KIAA1549L: variants seen among roughly 807,000 people sequenced by gnomAD.
The protein encoded by KIAA1549L is KIAA1549 like, also known as UPF0606 protein KIAA1549L.
In KIAA1549L, 88 loss-of-function variants were observed where a neutral mutation model predicts 160.7. The observed-to-expected ratio is 0.55, with a 90% CI of 0.46 to 0.65. The LOEUF is 0.65. Among genes scored for constraint, KIAA1549L ranks in the 30% least tolerant of loss-of-function variants. The pLI is 0.00. For missense variants in KIAA1549L, 2,258 were observed against 2,437.5 expected (o/e 0.93, Z 1.55); for synonymous variants, 950 against 976.7 (o/e 0.97, Z 0.51).
chr11:33,557,673 G>A lies in KIAA1549L; in HGVS notation c.3856-2076G>A, dbSNP rs56759712. 8.6e-3 allele frequency among the ~76,000 whole-genome samples: 1,304 copies of A among 152,246 alleles called. 12 individuals are homozygous for A. Among genetic ancestry groups the A allele is most frequent in the African/African-American group, 0.029 (1,214 of 41,538 alleles). On this transcript the variant is annotated intron_variant, in intron 6 of 20. Transcript: ENST00000658780. ...AGGCTGGGGTGGGTGGATCATTTGA[G>A]CCCAGGAATTTGAGACTAGCCTGGG...
At chr11:33,581,081 C>T (rs1855626761) in intron 10 of KIAA1549L, among the ~76,000 whole-genome samples, 2 of 152,104 alleles carry the variant, frequency 1.3e-5, no homozygotes, top group African/African-American at 4.8e-5. Flanking sequence ...GCTGTGAGGT[C>T]AGAGGCACAG....
chr11:33,637,087 G>A (rs1851455712), intron 16 of KIAA1549L, among the ~76,000 whole-genome samples: 1 of 152,134 alleles, frequency 6.6e-6, no homozygotes, highest in South Asian at 2.1e-4. Flanking sequence ...CAAGTGGAAG[G>A]GCCCAGACAT....
intron 1 of KIAA1549L, among the ~76,000 whole-genome samples, chr11:33,486,063 G>A (rs1212535766): frequency 1.3e-5 from 2 of 152,122 alleles, no homozygotes; most frequent in Non-Finnish European, 2.9e-5. Context: ...TGGCCATTGT[G>A]GATAATGTGG....
At chr11:33,561,992 T>C (rs1015526266) in intron 8 of KIAA1549L, among the ~76,000 whole-genome samples, 9 of 152,342 alleles carry the variant, frequency 5.9e-5, no homozygotes, top group African/African-American at 1.9e-4. Context: ...TATCAGAAGT[T>C]ACAATGTTAA....
intron 13 of KIAA1549L, among the ~76,000 whole-genome samples, chr11:33,602,232 G>T (rs1001185226): frequency 5.3e-5 from 8 of 152,090 alleles, no homozygotes; most frequent in African/African-American, 1.7e-4. Context: ...GGTGAGGCAG[G>T]CAAAGAATTA....
At position 33,542,828 on chromosome 11, in the gene KIAA1549L, A is replaced by G. The variant is rs777193085; in HGVS notation, c.1265A>G (p.Gln422Arg). The change falls in exon 2 of 21, where the codon CAG becomes CGG. Residue 422 changes from glutamine to arginine, a missense_variant. Physicochemically the swap from Gln to Arg is conservative, Grantham distance 43. Transcript: ENST00000658780. ...CATGAGGCTGAGCCTCCACTTTTCCAGACTGCAGAATCAGGGGCCATAGAA... is the reference window on the plus strand; with the variant it reads ...CATGAGGCTGAGCCTCCACTTTTCCGGACTGCAGAATCAGGGGCCATAGAA... ...ATHEAEPPLF[Q>R]TAESGAIEMT... 23 of 1,613,762 alleles carry G rather than the reference A, an allele frequency of 1.4e-5. No individual in the cohort carries two copies. In the South Asian group the frequency reaches 2.4e-4, roughly 17 times the overall value.
chr11:33,564,683 C>T (rs1854987720), intron 8 of KIAA1549L, among the ~76,000 whole-genome samples: 1 of 152,254 alleles, frequency 6.6e-6, no homozygotes, highest in African/African-American at 2.4e-5. Context: ...ATATCCCAGA[C>T]CCAGCAATGG....
rs375169539 is a variant in KIAA1549L, at chr11:33,387,056, G to A, written c.238+10167G>A. Among the ~76,000 whole-genome samples the A allele has an allele frequency of 3.3e-4, 50 of 151,884 alleles. No individual in the cohort carries two copies. The East Asian group carries it at 5.3e-3, about 16-fold the overall frequency. On this transcript the variant is annotated intron_variant, in intron 1 of 20. Transcript: ENST00000658780. ...CAGGAGGTGGAGGTTGCAGTGAGTC[G>A]GGATTGTGCCACTGCACTCCAGCCT...
chr11:33,572,744 A>C (rs781404223), intron 9 of KIAA1549L, among the ~76,000 whole-genome samples: 2 of 152,212 alleles, frequency 1.3e-5, no homozygotes, highest in African/African-American at 2.4e-5. Flanking sequence ...TGTAGCTATT[A>C]AGCAAGGCTG....
intron 16 of KIAA1549L, among the ~76,000 whole-genome samples, chr11:33,643,965 T>G (rs1483518438): frequency 6.6e-6 from 1 of 152,182 alleles, no homozygotes; most frequent in African/African-American, 2.4e-5. Flanking sequence ...TAAGAGCTTC[T>G]AAGAGCAGAA....
intron 1 of KIAA1549L, among the ~76,000 whole-genome samples, chr11:33,496,308 C>G (rs1381545006): frequency 2.6e-5 from 4 of 152,112 alleles, no homozygotes; most frequent in Non-Finnish European, 5.9e-5. Flanking sequence ...GGCAAACAAC[C>G]CTTAGAGTCA....
At chr11:33,540,284 C>T (rs1853987099) in intron 1 of KIAA1549L, among the ~76,000 whole-genome samples, 1 of 152,166 alleles carries the variant, frequency 6.6e-6, no homozygotes, top group African/African-American at 2.4e-5. Flanking sequence ...GATTCTGAAT[C>T]CATAAGTTGG....
intron 1 of KIAA1549L, among the ~76,000 whole-genome samples, chr11:33,466,386 A>G (rs1250479906): frequency 6.6e-6 from 1 of 152,276 alleles, no homozygotes; most frequent in African/African-American, 2.4e-5. Context: ...ATTACTGGTC[A>G]TCAGAGAAAT....
intron 12 of KIAA1549L, among the ~76,000 whole-genome samples, chr11:33,596,024 T>C (rs1256946607): frequency 6.6e-6 from 1 of 152,132 alleles, no homozygotes; most frequent in Non-Finnish European, 1.5e-5. Context: ...TACAGCTGTT[T>C]GCAAAGGGCA....
At chr11:33,456,109 CATGAT>C (rs1212213180) in intron 1 of KIAA1549L, among the ~76,000 whole-genome samples, 25 of 152,116 alleles carry the variant, frequency 1.6e-4, no homozygotes, top group African/African-American at 5.1e-4. Flanking sequence ...TTATAGGTCT[CATGAT>C]ATATGTGGAT....
chr11:33,392,860 C>T (rs1406088435), intron 1 of KIAA1549L, among the ~76,000 whole-genome samples: 1 of 152,150 alleles, frequency 6.6e-6, no homozygotes, highest in Non-Finnish European at 1.5e-5. Flanking sequence ...GCCACTGGGC[C>T]TAGCTGCTGA....
intron 19 of KIAA1549L, 106 bp from the exon 20 acceptor site, chr11:33,660,757 G>A: frequency 9.2e-7 from 1 of 1,092,472 alleles, no homozygotes; most frequent in Non-Finnish European, 1.3e-6. Context: ...TTCAAATCCA[G>A]CAGCCAGCCA....
chr11:33,488,782 C>T (rs1467853017), intron 1 of KIAA1549L, among the ~76,000 whole-genome samples: 1 of 152,210 alleles, frequency 6.6e-6, no homozygotes, highest in Non-Finnish European at 1.5e-5. Flanking sequence ...CAGAGTTTCT[C>T]TCACCTGCCT....
At chr11:33,533,273 A>T (rs1318859428) in intron 1 of KIAA1549L, among the ~76,000 whole-genome samples, 2 of 152,204 alleles carry the variant, frequency 1.3e-5, no homozygotes, top group Non-Finnish European at 2.9e-5. Context: ...TAGCAGCGCG[A>T]AGAGCCTCAG....
Sources: allele counts gnomAD v4.1 joint callset (sites outside exome capture counted in the v4.1 genomes callset), GRCh38; gene constraint gnomAD v4.1.1; transcripts MANE v1.5; gene names NCBI Gene and HGNC (gene_info 2026-07-23, HGNC 2026-07-21).